Variants in PARD3 observed in about 807,000 individuals in gnomAD.
PARD3 encodes par-3 family cell polarity regulator.
A neutral mutation model predicts 155.4 loss-of-function variants in PARD3; 75 were observed. The ratio of observed to expected loss-of-function variants is 0.48; its 90% CI spans 0.40 to 0.58. PARD3 has a LOEUF of 0.58. Ranked by LOEUF, PARD3 falls within the 20% of genes least tolerant of loss-of-function variation. The pLI, the probability that PARD3 is intolerant of heterozygous loss-of-function variation, is 0.00. For synonymous variants in PARD3, 576 were observed against 610.5 expected, an observed-to-expected ratio of 0.94 and a Z score of 0.83; for missense variants, 1,642 against 1,721.7, an observed-to-expected ratio of 0.95 and a Z score of 0.82.
At chr10:34,808,628 G>A (rs1843695098) in intron 1 of PARD3, among the ~76,000 whole-genome samples, 1 of 152,066 alleles carries the variant, frequency 6.6e-6, no homozygotes, top group African/African-American at 2.4e-5. Flanking sequence ...AATCTTACAT[G>A]TTTATTTCCA....
chr10:34,316,919 G>A (rs899537308), intron 20 of PARD3, among the ~76,000 whole-genome samples, 188 bp downstream of exon 20: 1 of 151,906 alleles, frequency 6.6e-6, no homozygotes, highest in Non-Finnish European at 1.5e-5. Context: ...TTATTTTAGA[G>A]AGAGAATGGA....
chr10:34,264,977 T>G (rs778359078), intron 22 of PARD3, among the ~76,000 whole-genome samples: 49 of 152,168 alleles, frequency 3.2e-4, no homozygotes, highest in Non-Finnish European at 4.6e-4. Context: ...TCTCAGACGC[T>G]GGGCTTCAAG....
intron 1 of PARD3, among the ~76,000 whole-genome samples, chr10:34,713,398 C>A (rs1437954525): frequency 6.6e-6 from 1 of 152,030 alleles, no homozygotes; most frequent in Non-Finnish European, 1.5e-5. Flanking sequence ...CTTTGCCTAT[C>A]ACAGATAAAC....
chr10:34,389,336 A>G (rs1377484302), intron 7 of PARD3, among the ~76,000 whole-genome samples: 1 of 151,176 alleles, frequency 6.6e-6, no homozygotes, highest in Non-Finnish European at 1.5e-5. Flanking sequence ...TTTTGGATGC[A>G]TAATTAGAAT....
At position 34,615,127 on chromosome 10, in the gene PARD3, G is replaced by C. The variant is rs1428109369; in HGVS notation, c.222+81191C>G. Among the ~76,000 whole-genome samples the C allele has an allele frequency of 7.2e-5, 11 of 152,282 alleles. No homozygotes were observed. The East Asian group carries it at 1.3e-3, about 19-fold the overall frequency. On this transcript the variant is annotated intron_variant, in intron 2 of 24. Transcript: ENST00000374788. ...ACCTGGGAGGCGGAAATTGCAGTGA[G>C]CCGAGATGGCGCCACTTCACTCCAG...
intron 10 of PARD3, among the ~76,000 whole-genome samples, chr10:34,376,040 A>G (rs1364765658): frequency 6.6e-6 from 1 of 152,130 alleles, no homozygotes; most frequent in East Asian, 1.9e-4. Context: ...CATAATTTGT[A>G]CTCAAACAAA....
chr10:34,359,007 A>G (rs1397243350), intron 14 of PARD3, 140 bp downstream of exon 14: 4 of 602,018 alleles, frequency 6.6e-6, no homozygotes, highest in Non-Finnish European at 1.1e-5. Flanking sequence ...CACCTACAAA[A>G]TAATAAAACT....
intron 2 of PARD3, among the ~76,000 whole-genome samples, chr10:34,528,018 A>G (rs2082594666): frequency 6.6e-6 from 1 of 152,222 alleles, no homozygotes; most frequent in Non-Finnish European, 1.5e-5. Flanking sequence ...AAATAATAAA[A>G]TTCTTTTTAT....
chr10:34,270,418 C>T, intron 21 of PARD3, among the ~76,000 whole-genome samples: 1 of 152,140 alleles, frequency 6.6e-6, no homozygotes, highest in Admixed American at 6.6e-5. Flanking sequence ...GCTGGGATTA[C>T]AAGTGTGAGC....
At chr10:34,234,080 G>A (rs1350256472) in intron 22 of PARD3, among the ~76,000 whole-genome samples, 1 of 152,042 alleles carries the variant, frequency 6.6e-6, no homozygotes, top group East Asian at 1.9e-4. Context: ...ATCAATTTCT[G>A]ATACAACTAC....
chr10:34,340,242 A>G (rs1836660888), intron 16 of PARD3, among the ~76,000 whole-genome samples: 1 of 152,156 alleles, frequency 6.6e-6, no homozygotes, highest in African/African-American at 2.4e-5. Context: ...TGCCCCAAAG[A>G]CTATGACCAC....
rs976415426 is a variant in PARD3 at position 34,668,314 on chromosome 10, A to G, written c.222+28004T>C. On this transcript the variant is annotated intron_variant, in intron 2 of 24. Coordinates refer to ENST00000374788, the MANE Select transcript of PARD3 (RefSeq NM_001184785.2). Reference sequence around the variant, plus strand: ...AGCATAAAAATACCTTCCTCTGGAGAACCCTTCTCTTTTCATTATAGTATT... The same window carrying G: ...AGCATAAAAATACCTTCCTCTGGAGGACCCTTCTCTTTTCATTATAGTATT... 3.3e-5 allele frequency among the ~76,000 whole-genome samples: 5 copies of G among 152,214 alleles called. No individual in the cohort carries two copies. In the East Asian group the frequency reaches 9.6e-4, roughly 29 times the overall value.
intron 2 of PARD3, among the ~76,000 whole-genome samples, chr10:34,666,774 CCCT>C (rs1283095309): frequency 0.023 from 84 of 3,648 alleles, no homozygotes; most frequent in Admixed American, 0.047. Flanking sequence ...CTACCCCTCC[CCCT>C]AAAAAAAAAA....
chr10:34,361,466 T>C (rs977126886), intron 12 of PARD3, among the ~76,000 whole-genome samples: 3 of 152,168 alleles, frequency 2.0e-5, no homozygotes, highest in African/African-American at 7.2e-5. Flanking sequence ...ACAAAAAAAG[T>C]AGGTGACTGC....
chr10:34,556,417 C>T (rs1188587666), intron 2 of PARD3, among the ~76,000 whole-genome samples: 1 of 147,344 alleles, frequency 6.8e-6, no homozygotes, highest in African/African-American at 2.5e-5. Flanking sequence ...GAGTCTTGCT[C>T]TGTCGCCCAG....
chr10:34,314,501 C>T (rs911274758), intron 20 of PARD3, among the ~76,000 whole-genome samples: 6 of 152,168 alleles, frequency 3.9e-5, no homozygotes, highest in Non-Finnish European at 8.8e-5. Flanking sequence ...CTGATAGAAC[C>T]CAGCCATGCC....
chr10:34,201,685 C>T (rs1951220213), intron 22 of PARD3, among the ~76,000 whole-genome samples: 1 of 151,760 alleles, frequency 6.6e-6, no homozygotes, highest in Non-Finnish European at 1.5e-5. Flanking sequence ...AGTTGTTCAC[C>T]CAAAAAAGCA....
At chr10:34,348,137 G>A in intron 14 of PARD3, 22 bp from the exon 15 acceptor site, 2 of 1,574,780 alleles carry the variant, frequency 1.3e-6, no homozygotes, top group Non-Finnish European at 1.7e-6. Flanking sequence ...CGGGTATGGG[G>A]GCAAAGAAAA....
chr10:34,231,068 T>A (rs1243860615), intron 22 of PARD3, among the ~76,000 whole-genome samples: 2 of 151,906 alleles, frequency 1.3e-5, no homozygotes, highest in Non-Finnish European at 1.5e-5. Flanking sequence ...TTACTCCAGT[T>A]GTATCCAAAA....
Sources: allele counts gnomAD v4.1 joint callset (sites outside exome capture counted in the v4.1 genomes callset), GRCh38; gene constraint gnomAD v4.1.1; transcripts MANE v1.5; gene names NCBI Gene and HGNC (gene_info 2026-07-23, HGNC 2026-07-21).